MYLK4: variants seen among roughly 807,000 people sequenced by gnomAD.
MYLK4 encodes myosin light chain kinase family member 4, also known as caMLCK like.
A neutral mutation model predicts 48.1 loss-of-function variants in MYLK4; 46 were observed. The ratio of observed to expected loss-of-function variants is 0.96; its 90% confidence interval spans 0.75 to 1.22. MYLK4 has a LOEUF of 1.22. Ranked by LOEUF, MYLK4 falls within the 50% of genes most tolerant of loss-of-function variation. MYLK4 has a pLI of 0.00. For synonymous variants in MYLK4, 170 were observed against 180.8 expected, an observed-to-expected ratio of 0.94 and a Z score of 0.48; for missense variants, 451 against 486.1, an observed-to-expected ratio of 0.93 and a Z score of 0.68.
At chr6:2,675,655 C>T (rs1761053535) in intron 10 of MYLK4, among the ~76,000 whole-genome samples, 1 of 151,598 alleles carries the variant, frequency 6.6e-6, no homozygotes, top group African/African-American at 2.4e-5. Flanking sequence ...GAAACAATAT[C>T]CTTTTGGAGC....
chr6:2,760,155 C>T, the MYLK4 span, among the ~76,000 whole-genome samples: 1 of 151,638 alleles, frequency 6.6e-6, no homozygotes, highest in East Asian at 1.9e-4. Flanking sequence ...AAAAATAATA[C>T]AAATAAAAAA....
chr6:2,762,247 G>A, the MYLK4 span, among the ~76,000 whole-genome samples: 1 of 152,090 alleles, frequency 6.6e-6, no homozygotes, highest in Non-Finnish European at 1.5e-5. Context: ...AGTTTCCCAT[G>A]ACAATACTTT....
upstream of MYLK4, among the ~76,000 whole-genome samples, chr6:2,753,281 G>A (rs1010277375): frequency 6.6e-6 from 1 of 152,128 alleles, no homozygotes; most frequent in South Asian, 2.1e-4. Flanking sequence ...TCTTGTCTAC[G>A]GGTTGGCATT....
At chr6:2,717,246 T>C (rs1762897895) in intron 2 of MYLK4, among the ~76,000 whole-genome samples, 1 of 152,264 alleles carries the variant, frequency 6.6e-6, no homozygotes, top group Non-Finnish European at 1.5e-5. Flanking sequence ...TCCTATGCCA[T>C]TTCAGACTCA....
chr6:2,696,338 C>T (rs919253443), intron 2 of MYLK4, among the ~76,000 whole-genome samples: 11 of 152,196 alleles, frequency 7.2e-5, no homozygotes, highest in African/African-American at 1.9e-4. Flanking sequence ...ATGTATCCCC[C>T]CCGACGATAT....
chr6:2,754,904 G>A (rs762895352), upstream of MYLK4, among the ~76,000 whole-genome samples: 2 of 152,120 alleles, frequency 1.3e-5, no homozygotes, highest in African/African-American at 4.8e-5. Flanking sequence ...TGAATATCAT[G>A]CAATATAAGA....
intron 2 of MYLK4, among the ~76,000 whole-genome samples, chr6:2,746,703 G>T (rs371223194): frequency 5.3e-5 from 8 of 152,322 alleles, no homozygotes; most frequent in African/African-American, 1.9e-4. Context: ...AGAGAGAAGG[G>T]ATGAGAGAGA....
the MYLK4 span, among the ~76,000 whole-genome samples, chr6:2,762,841 T>C: frequency 6.6e-6 from 1 of 152,210 alleles, no homozygotes; most frequent in Non-Finnish European, 1.5e-5. Context: ...TCTCTTAAGT[T>C]AGCCGTTCCT....
chr6:2,765,340 T>A, the MYLK4 span: 1 of 267,774 alleles, frequency 3.7e-6, no homozygotes, highest in Admixed American at 5.5e-5. Context: ...GGACTACACT[T>A]ACTTACATGC....
chr6:2,705,125 G>T (rs145718234), intron 2 of MYLK4, among the ~76,000 whole-genome samples: 1 of 152,174 alleles, frequency 6.6e-6, no homozygotes, highest in Admixed American at 6.5e-5. Context: ...ATAACAGATC[G>T]CAGAAGAAAG....
chr6:2,763,268 C>T, the MYLK4 span, among the ~76,000 whole-genome samples: 5 of 152,272 alleles, frequency 3.3e-5, no homozygotes, highest in Admixed American at 6.5e-5. Context: ...ACCCAGTTGG[C>T]TTCTCCCATT....
In MYLK4 at chr6:2,672,873, T is replaced by C. The variant is rs1469272009; in HGVS notation, c.1120-1525A>G. 6.6e-5 allele frequency among the ~76,000 whole-genome samples: 10 copies of C among 152,220 alleles called. No homozygotes were observed. The highest frequency in any genetic ancestry group is 1.5e-5 in the Non-Finnish European group (1 of 68,046). On this transcript the variant is annotated intron_variant, in intron 11 of 12. Transcript: ENST00000274643. This position sits in a 1 kb window ranked among gnomAD's most constrained non-coding sequence, Gnocchi z 4.3. ...GAGTGTTCTCAGCTACAGACACTAATGTGCCCATTTTGTGCGTTGCTATGA... is the reference window on the plus strand; with the variant it reads ...GAGTGTTCTCAGCTACAGACACTAACGTGCCCATTTTGTGCGTTGCTATGA...
At chr6:2,762,595 A>G in the MYLK4 span, among the ~76,000 whole-genome samples, 3 of 152,208 alleles carry the variant, frequency 2.0e-5, no homozygotes, top group African/African-American at 7.2e-5. Context: ...CAGCCCTAAA[A>G]CTTGTTTTGC....
At chr6:2,703,058 C>T (rs1211762038) in intron 2 of MYLK4, among the ~76,000 whole-genome samples, 2 of 152,166 alleles carry the variant, frequency 1.3e-5, no homozygotes, top group African/African-American at 4.8e-5. Flanking sequence ...TTTTCTGAGA[C>T]TCCCAGGAGC....
intron 2 of MYLK4, among the ~76,000 whole-genome samples, chr6:2,694,327 C>T (rs1340072269): frequency 3.4e-5 from 5 of 148,358 alleles, no homozygotes; most frequent in Non-Finnish European, 5.9e-5. Flanking sequence ...AGCACATATC[C>T]CCACCCCTGG....
At chr6:2,671,669 A>G (rs1467048401) in intron 11 of MYLK4, among the ~76,000 whole-genome samples, 5 of 152,250 alleles carry the variant, frequency 3.3e-5, no homozygotes, top group African/African-American at 9.6e-5. Flanking sequence ...AGAATGCTCT[A>G]TCACTTGCGA....
the MYLK4 span, among the ~76,000 whole-genome samples, chr6:2,760,828 G>A: frequency 3.3e-5 from 5 of 152,302 alleles, no homozygotes; most frequent in Admixed American, 6.5e-5. Context: ...TATAAAATGT[G>A]TTAGAATAAA....
At chr6:2,766,286 C>T in the MYLK4 span, 7 of 1,596,878 alleles carry the variant, frequency 4.4e-6, no homozygotes, top group Admixed American at 3.4e-5. Flanking sequence ...CCGACAGATG[C>T]TACAGGGCAA....
At position 2,677,374 on chromosome 6, in the gene MYLK4, C is replaced by G. The variant is rs139706178; in HGVS notation, c.1040+846G>C. On this transcript the variant is annotated intron_variant, in intron 10 of 12. Coordinates refer to ENST00000274643, the MANE Select transcript of MYLK4 (RefSeq NM_001012418.5). ...TGTGACACCCTTCTACCTGTTGATC[C>G]ACAGCCATGTGTATTAGTGACTTTA... Among the ~76,000 whole-genome samples the G allele has an allele frequency of 7.9e-3, 1,195 of 152,228 alleles. 62 individuals are homozygous for G. Among genetic ancestry groups the G allele is most frequent in the Admixed American group, 0.07 (1,068 of 15,296 alleles).
Sources: gnomAD v4.1 joint callset for allele counts (sites outside exome capture counted in the v4.1 genomes callset) on GRCh38, gnomAD v4.1.1 for gene constraint, Gnocchi (gnomAD v3.1) non-coding constraint, MANE v1.5 for transcripts, NCBI Gene and HGNC (gene_info 2026-07-23, HGNC 2026-07-21) for gene names.